The following FGF17 variants were observed in gnomAD, a reference collection of about 807,000 sequenced individuals.
FGF17 encodes fibroblast growth factor 17.
Under a neutral mutation model 23.5 loss-of-function variants are expected in FGF17, and 5 were observed. The ratio of observed to expected loss-of-function variants is 0.21; its 90% CI spans 0.11 to 0.45. The LOEUF is 0.45. FGF17 is among the 20% of genes least tolerant of loss of function. The pLI is 0.99. For missense variants in FGF17, 221 were observed against 306.9 expected (o/e 0.72, Z 2.09); for synonymous variants, 136 against 123.0 (o/e 1.11, Z -0.70).
At position 22,048,357 on chromosome 8, in the gene FGF17, G is replaced by C. The variant is rs545377074; in HGVS notation, c.*108G>C. The C allele has an allele frequency of 1.0e-6, 1 of 1,003,528 alleles. No individual in the cohort carries two copies. Among genetic ancestry groups the C allele is most frequent in the Admixed American group, 2.8e-5 (1 of 35,368 alleles). The allele number at this position is 1,003,528 out of a possible 1,614,324, so 62.2% of individuals were successfully genotyped here. A position where few individuals can be genotyped will look rare whatever the true frequency, so the allele number is the denominator to read the frequency against. Reference sequence around the variant, plus strand: ...GGAGGGGAGCCAGATCCCCGAGGGAGGACCCTGAGGGCCGCGAAGCATCCG... The same window carrying C: ...GGAGGGGAGCCAGATCCCCGAGGGACGACCCTGAGGGCCGCGAAGCATCCG... On this transcript the variant is annotated 3_prime_UTR_variant, in exon 5 of 5. Coordinates refer to ENST00000359441, the MANE Select transcript of FGF17 (RefSeq NM_003867.4). The surrounding 1 kb of genome is among the most constrained non-coding windows in gnomAD (Gnocchi z 6.9).
rs372106895 is a variant in FGF17 at position 22,043,228 on chromosome 8, C to G, written c.72+47C>G. ...CTTTCCCCCAATTTTTCCACCCTAC[C>G]TGACCAGGGCGGGTGCAAGGGACCG... On this transcript the variant is annotated intron_variant, in intron 2 of 4. Coordinates refer to ENST00000359441, the MANE Select transcript of FGF17 (RefSeq NM_003867.4). The G allele has an allele frequency of 3.8e-6, 6 of 1,595,970 alleles. No homozygotes were observed. The African/African-American group carries it at 6.7e-5, about 18-fold the overall frequency.
chr8:22,043,138 C>G lies in FGF17; in HGVS notation c.36-7C>G, dbSNP rs761183888. 6.2e-7 allele frequency: 1 copy of G among 1,613,888 alleles called. No homozygotes were observed. The highest frequency in any genetic ancestry group is 8.5e-7 in the Non-Finnish European group (1 of 1,179,980). ...CACACCTGGGCTTACCTCCTCTCCCCACACAGGTGCTTACAGCTGCTGATT... is the reference window on the plus strand; with the variant it reads ...CACACCTGGGCTTACCTCCTCTCCCGACACAGGTGCTTACAGCTGCTGATT... On this transcript the variant is annotated splice_polypyrimidine_tract_variant and splice_region_variant and intron_variant, in intron 1 of 4. Transcript: ENST00000359441.
intron 2 of FGF17, chr8:22,045,338 C>G: frequency 1.0e-6 from 1 of 986,986 alleles, no homozygotes; most frequent in Non-Finnish European, 1.2e-6. Context: ...AGTGCCTGTC[C>G]TCTTGGTACT....
Position 22,046,646 on chromosome 8 carries a change from G to T in FGF17, c.357+13G>T, listed in dbSNP as rs1381174149. The T allele has an allele frequency of 3.8e-6, 6 of 1,578,326 alleles. No homozygotes were observed. Among genetic ancestry groups the T allele is most frequent in the Non-Finnish European group, 5.2e-6 (6 of 1,147,588 alleles). ...GCTCATCGGGAAGGTGAGGCTGGGA[G>T]ACTGGGAAGTAACAGAGAATCAGCC... On this transcript the variant is annotated intron_variant, in intron 4 of 4. Transcript: ENST00000359441.
chr8:22,044,635 G>C (rs1391043601), intron 2 of FGF17: 1 of 976,872 alleles, frequency 1.0e-6, no homozygotes, highest in Non-Finnish European at 1.2e-6. Flanking sequence ...GGAGGCCAGC[G>C]TGGGGCAGGC....
chr8:22,045,970 G>C (rs1272171508), intron 2 of FGF17, 144 bp from the exon 3 acceptor site: 1 of 1,557,960 alleles, frequency 6.4e-7, no homozygotes, highest in African/African-American at 1.4e-5. Context: ...GCCTGGGAAG[G>C]CTATGGCCAT....
At position 22,042,831 on chromosome 8, in the gene FGF17, A is replaced by G; in HGVS notation, c.-98A>G. Reference sequence around the variant, plus strand: ...CCCCCTGAAAACCTGTGGCTCGGAGAGACCTTGGCTTCTCTGGGACTCTAC... The same window carrying G: ...CCCCCTGAAAACCTGTGGCTCGGAGGGACCTTGGCTTCTCTGGGACTCTAC... On this transcript the variant is annotated 5_prime_UTR_variant, in exon 1 of 5. Coordinates refer to ENST00000359441, the MANE Select transcript of FGF17 (RefSeq NM_003867.4). The G allele has an allele frequency of 1.6e-6, 2 of 1,289,414 alleles. No individual in the cohort carries two copies. Among genetic ancestry groups the G allele is most frequent in the Non-Finnish European group, 2.2e-6 (2 of 907,460 alleles). The allele number at this position is 1,289,414 out of a possible 1,614,324, so 79.9% of individuals were successfully genotyped here.
At chr8:22,044,889 T>C in intron 2 of FGF17, 4 of 985,392 alleles carry the variant, frequency 4.1e-6, no homozygotes, top group Admixed American at 6.1e-5. Context: ...CTAATCTGGG[T>C]CTAGCTCTGT....
In FGF17 at chr8:22,048,207, C is replaced by T. The variant is rs762499011; in HGVS notation, c.609C>T (p.Thr203=). 1.9e-6 allele frequency: 3 copies of T among 1,611,248 alleles called. No individual in the cohort carries two copies. Among genetic ancestry groups the T allele is most frequent in the Non-Finnish European group, 2.5e-6 (3 of 1,179,252 alleles). ...TCGAGTTTGTGGGCTCCGCCCCCACCCGCCGGACCAAGCGCACACGGCGGC... is the reference window on the plus strand; with the variant it reads ...TCGAGTTTGTGGGCTCCGCCCCCACTCGCCGGACCAAGCGCACACGGCGGC... ...KQFEFVGSAP[T]RRTKRTRRPQ... Residue 203 remains threonine, a synonymous_variant, in exon 5 of 5, where the codon ACC becomes ACT. Transcript: ENST00000359441. This position sits in a 1 kb window ranked among gnomAD's most constrained non-coding sequence, Gnocchi z 6.9.
At position 22,048,172 on chromosome 8, in the gene FGF17, C is replaced by G; in HGVS notation, c.574C>G (p.Gln192Glu). The G allele has an allele frequency of 1.9e-6, 3 of 1,613,184 alleles. No individual in the cohort carries two copies. The highest frequency in any genetic ancestry group is 2.5e-6 in the Non-Finnish European group (3 of 1,179,784). The change falls in exon 5 of 5, where the codon CAG becomes GAG. Residue 192 changes from glutamine (Q) to glutamate (E), a missense_variant. Transcript: ENST00000359441. The surrounding 1 kb of genome is among the most constrained non-coding windows in gnomAD (Gnocchi z 6.9). The stretch of plus-strand genomic sequence containing the variant: ...GCCCTTCCCCAACCACGCCGAGAAG[C>G]AGAAGCAGTTCGAGTTTGTGGGCTC... ...QLPFPNHAEK[Q>E]KQFEFVGSAP... is the part of the protein sequence containing the mutation.
At chr8:22,045,075 G>C in intron 2 of FGF17, 1 of 985,534 alleles carries the variant, frequency 1.0e-6, no homozygotes, top group East Asian at 1.1e-4. Flanking sequence ...CCTAGCCCGG[G>C]TCGCACCTTG....
intron 2 of FGF17, chr8:22,045,008 C>G (rs1198928446): frequency 2.0e-6 from 2 of 985,360 alleles, no homozygotes; most frequent in African/African-American, 3.5e-5. Flanking sequence ...GAGACAAAAC[C>G]AGCAAAAAAG....
chr8:22,043,112 C>A, intron 1 of FGF17, 33 bp from the exon 2 acceptor site: 2 of 1,612,868 alleles, frequency 1.2e-6, no homozygotes, highest in Non-Finnish European at 8.5e-7. Context: ...CAGCTGGCAC[C>A]CACACCTGGG....
chr8:22,047,873 G>A, intron 4 of FGF17, 83 bp from the exon 5 acceptor site: 1 of 1,404,072 alleles, frequency 7.1e-7, no homozygotes, highest in Non-Finnish European at 9.7e-7. Flanking sequence ...TCCCTCCTCA[G>A]TCGTCCAAAA....
At chr8:22,043,575 C>G (rs374628513) in intron 2 of FGF17, among the ~76,000 whole-genome samples, 1 of 152,248 alleles carries the variant, frequency 6.6e-6, no homozygotes, top group East Asian at 1.9e-4. Flanking sequence ...ATGTCCTTCT[C>G]GCCACCCCAC....
At chr8:22,047,883 A>T in intron 4 of FGF17, 73 bp from the exon 5 acceptor site, 1 of 1,478,326 alleles carries the variant, frequency 6.8e-7, no homozygotes, top group Middle Eastern at 1.8e-4. Flanking sequence ...GTCGTCCAAA[A>T]TAGGCCGTAA....
intron 3 of FGF17, 109 bp downstream of exon 3, chr8:22,046,400 C>CA: frequency 6.8e-7 from 1 of 1,469,170 alleles, no homozygotes; most frequent in Non-Finnish European, 9.3e-7. Flanking sequence ...CTGAGGGCCC[C>CA]AAGGGCCTGA....
At position 22,042,896 on chromosome 8, in the gene FGF17, AG is replaced by A. The variant is rs1362051699; in HGVS notation, c.-27del. 1.9e-6 allele frequency: 3 copies of A among 1,612,288 alleles called. No homozygotes were observed. The highest frequency in any genetic ancestry group is 1.3e-5 in the African/African-American group (1 of 74,876). ...CACATCTGCTCCTGAGCTTGGGGGC[AG>A]GGGGGCAACCGCCTGAGGAACCTCT... On this transcript the variant is annotated 5_prime_UTR_variant, in exon 1 of 5. Coordinates refer to ENST00000359441, the MANE Select transcript of FGF17 (RefSeq NM_003867.4).
Position 22,044,027 on chromosome 8 carries a change from TC to T in FGF17, c.72+855del, listed in dbSNP as rs570759086. On this transcript the variant is annotated intron_variant, in intron 2 of 4. Transcript: ENST00000359441. ...GGGGGGTGGGAGAGGGAGAGACAATTCCCCCCCCCTTCCTTCCCCCTTTTGC... is the reference window on the plus strand; with the variant it reads ...GGGGGGTGGGAGAGGGAGAGACAATTCCCCCCCCTTCCTTCCCCCTTTTGC... 2.6e-3 allele frequency among the ~76,000 whole-genome samples: 384 copies of T among 146,810 alleles called. 2 individuals carry two copies. Among genetic ancestry groups the T allele is most frequent in the African/African-American group, 7.2e-3 (287 of 39,696 alleles).
Sources: gnomAD v4.1 joint callset for allele counts (sites outside exome capture counted in the v4.1 genomes callset) on GRCh38, gnomAD v4.1.1 for gene constraint, Gnocchi (gnomAD v3.1) non-coding constraint, MANE v1.5 for transcripts, NCBI Gene and HGNC (gene_info 2026-07-23, HGNC 2026-07-21) for gene names.